CSMD3: variants seen among roughly 807,000 people sequenced by gnomAD.
CSMD3 encodes the protein CUB and Sushi multiple domains 3.
In CSMD3, 177 loss-of-function variants were observed where a neutral mutation model predicts 435.2. The ratio of observed to expected loss-of-function variants is 0.41; its 90% CI spans 0.36 to 0.46. The LOEUF is 0.46. Ranked by LOEUF, CSMD3 falls within the 20% of genes least tolerant of loss-of-function variation. CSMD3 has a pLI of 0.34. For synonymous variants in CSMD3, 1,656 were observed against 1,520.5 expected (o/e 1.09, Z -2.07); for missense variants, 4,265 against 4,504.6 (o/e 0.95, Z 1.52).
In CSMD3 at chr8:113,028,926, C is replaced by A. The variant is rs1323243961; in HGVS notation, c.918-9747G>T. 4.0e-5 allele frequency among the ~76,000 whole-genome samples: 6 copies of A among 151,540 alleles called. 1 individual carries two copies. The highest frequency in any genetic ancestry group is 1.3e-4 in the Admixed American group (2 of 15,216). On this transcript the variant is annotated intron_variant, in intron 5 of 70. Coordinates refer to ENST00000297405, the MANE Select transcript of CSMD3 (RefSeq NM_198123.2). Reference sequence around the variant, plus strand: ...TGATGAAGGTGACTATACTAAATGACAGATTTTCAATGCAGAAGAAGTAGC... The same window carrying A: ...TGATGAAGGTGACTATACTAAATGAAAGATTTTCAATGCAGAAGAAGTAGC...
chr8:112,766,315 G>T (rs1396077353), intron 13 of CSMD3, among the ~76,000 whole-genome samples: 12 of 149,708 alleles, frequency 8.0e-5, no homozygotes, highest in African/African-American at 2.7e-4. Flanking sequence ...TTTTTTTTTG[G>T]TCAGAAGTTG....
chr8:113,008,179 T>G (rs974921467), intron 6 of CSMD3, among the ~76,000 whole-genome samples: 24 of 151,876 alleles, frequency 1.6e-4, no homozygotes, highest in African/African-American at 5.8e-4. Flanking sequence ...ATACTCCTTT[T>G]AAGTTGCACA....
chr8:112,596,931 A>G (rs1358796836), intron 22 of CSMD3, among the ~76,000 whole-genome samples: 1 of 151,652 alleles, frequency 6.6e-6, no homozygotes, highest in Non-Finnish European at 1.5e-5. Context: ...TCCAAAATTG[A>G]CACCCTAACA....
chr8:112,612,709 C>CTTTTTT (rs532290154), intron 22 of CSMD3, among the ~76,000 whole-genome samples: 5 of 65,888 alleles, frequency 7.6e-5, no homozygotes, highest in East Asian at 4.9e-4. Context: ...TTTCTTTGTT[C>CTTTTTT]TTTTTTTTTT....
At chr8:112,426,020 A>C (rs1356920501) in intron 32 of CSMD3, among the ~76,000 whole-genome samples, 1 of 152,178 alleles carries the variant, frequency 6.6e-6, no homozygotes, top group African/African-American at 2.4e-5. Flanking sequence ...GAAATAAGTC[A>C]AGTTCTATTT....
chr8:112,726,179 C>T (rs1195114829), intron 13 of CSMD3, among the ~76,000 whole-genome samples: 11 of 151,954 alleles, frequency 7.2e-5, no homozygotes, highest in Admixed American at 6.6e-4. Flanking sequence ...CAATTACCTC[C>T]ACCTGGTCTC....
At chr8:113,011,547 G>C (rs2086256670) in intron 6 of CSMD3, among the ~76,000 whole-genome samples, 1 of 151,704 alleles carries the variant, frequency 6.6e-6, no homozygotes. Flanking sequence ...CTAAGGATTA[G>C]AATTATTTTG....
At chr8:112,607,638 A>G (rs1344496161) in intron 22 of CSMD3, among the ~76,000 whole-genome samples, 6 of 152,146 alleles carry the variant, frequency 3.9e-5, no homozygotes, top group Admixed American at 3.9e-4. Context: ...TATCCCTGGG[A>G]TGCAATATGT....
At chr8:112,430,431 T>C (rs1813534858) in intron 32 of CSMD3, among the ~76,000 whole-genome samples, 2 of 152,164 alleles carry the variant, frequency 1.3e-5, no homozygotes, top group African/African-American at 4.8e-5. Flanking sequence ...TGCCAGATAC[T>C]GACGGCAGGC....
intron 1 of CSMD3, among the ~76,000 whole-genome samples, chr8:113,425,101 C>T (rs1418752739): frequency 6.6e-6 from 1 of 151,396 alleles, no homozygotes; most frequent in Non-Finnish European, 1.5e-5. Context: ...TAATTGATAG[C>T]TGAAGGAATG....
At chr8:113,048,139 C>T (rs1459101857) in intron 5 of CSMD3, among the ~76,000 whole-genome samples, 2 of 142,144 alleles carry the variant, frequency 1.4e-5, no homozygotes, top group East Asian at 4.2e-4. Context: ...GTCGCCCAGG[C>T]TGGAGTGCAG....
At chr8:112,231,511 C>G in intron 69 of CSMD3, 34 bp downstream of exon 69, 1 of 1,253,794 alleles carries the variant, frequency 8.0e-7, no homozygotes, top group Non-Finnish European at 1.2e-6. Context: ...GGGATAATAA[C>G]AGAAGTTCGT....
At chr8:112,935,648 A>G (rs886204837) in intron 9 of CSMD3, among the ~76,000 whole-genome samples, 2 of 152,038 alleles carry the variant, frequency 1.3e-5, no homozygotes, top group Non-Finnish European at 2.9e-5. Flanking sequence ...AAAAGATGCT[A>G]TAATGACTGG....
At chr8:112,581,330 T>A (rs1232551472) in intron 23 of CSMD3, among the ~76,000 whole-genome samples, 1 of 152,026 alleles carries the variant, frequency 6.6e-6, no homozygotes, top group Non-Finnish European at 1.5e-5. Flanking sequence ...AGAAAAATAA[T>A]CCAAAGCACA....
chr8:112,601,212 A>G (rs1013383206), intron 22 of CSMD3, among the ~76,000 whole-genome samples: 2 of 152,104 alleles, frequency 1.3e-5, no homozygotes, highest in African/African-American at 4.8e-5. Context: ...CCTTATCTGA[A>G]GGTGATATGA....
intron 22 of CSMD3, among the ~76,000 whole-genome samples, chr8:112,588,464 G>GA (rs144212321): frequency 1.7e-3 from 240 of 144,334 alleles, no homozygotes; most frequent in South Asian, 4.0e-3. Context: ...TCCTTTTAAA[G>GA]AAAAAAAAAA....
rs1467643017 is a variant in CSMD3 at position 112,595,383 on chromosome 8, G to A, written c.3716-8148C>T. 1.5e-3 allele frequency among the ~76,000 whole-genome samples: 203 copies of A among 135,210 alleles called. 1 individual carries two copies. Among genetic ancestry groups the A allele is most frequent in the Middle Eastern group, 3.8e-3 (1 of 266 alleles). 88.7% of individuals were successfully genotyped at this position (135,210 alleles called of 152,430 possible). ...GACTATGTGAAAAGACCAAATCTAC[G>A]TCTGATTGGTGTACCTGAAAGTGAT... On this transcript the variant is annotated intron_variant, in intron 22 of 70. Coordinates refer to ENST00000297405, the MANE Select transcript of CSMD3 (RefSeq NM_198123.2).
rs1209731622 is a variant in CSMD3, at chr8:113,076,057, T to C, written c.917+22699A>G. 2.0e-5 allele frequency among the ~76,000 whole-genome samples: 3 copies of C among 151,718 alleles called. No individual in the cohort carries two copies. The East Asian group carries it at 5.8e-4, about 29-fold the overall frequency. The stretch of plus-strand genomic sequence containing the variant: ...CTAAAAGTTATCTTTGAAATGGAAT[T>C]TAAGGAAAACAAGACACAACAAAAG... On this transcript the variant is annotated intron_variant, in intron 5 of 70. Transcript: ENST00000297405.
intron 22 of CSMD3, among the ~76,000 whole-genome samples, chr8:112,595,044 G>T (rs1206567155): frequency 6.6e-6 from 1 of 152,046 alleles, no homozygotes; most frequent in Non-Finnish European, 1.5e-5. Context: ...AGAGAAGAAG[G>T]CTTCAGATGA....
Sources: allele counts gnomAD v4.1 joint callset (sites outside exome capture counted in the v4.1 genomes callset), GRCh38; gene constraint gnomAD v4.1.1; transcripts MANE v1.5; gene names NCBI Gene and HGNC (gene_info 2026-07-23, HGNC 2026-07-21).